The following MRTFB variants were observed in gnomAD, a reference collection of about 807,000 sequenced individuals.
MRTFB encodes myocardin related transcription factor B.
A neutral mutation model predicts 104.2 loss-of-function variants in MRTFB; 29 were observed. The ratio of observed to expected loss-of-function variants is 0.28; its 90% CI spans 0.21 to 0.38. MRTFB has a LOEUF of 0.38. MRTFB is among the 10% of genes least tolerant of loss of function. The pLI, the probability that MRTFB is intolerant of heterozygous loss-of-function variation, is 1.00. For missense variants in MRTFB, 1,270 were observed against 1,341.6 expected (o/e 0.95, Z 0.83); for synonymous variants, 535 against 519.5 (o/e 1.03, Z -0.41).
chr16:14,126,022 TAA>T (rs2037092160), intron 2 of MRTFB, among the ~76,000 whole-genome samples: 1 of 152,194 alleles, frequency 6.6e-6, no homozygotes. Flanking sequence ...AAGGAAAAGC[TAA>T]AGAGATAATG....
chr16:14,019,281 C>G, the MRTFB span: 1 of 152,186 alleles, frequency 6.6e-6, no homozygotes. Context: ...TAATTCAGAG[C>G]ATATTCAGCC....
chr16:14,153,356 T>C (rs1277009880), intron 3 of MRTFB: 1 of 152,248 alleles, frequency 6.6e-6, no homozygotes, highest in Non-Finnish European at 1.5e-5. Flanking sequence ...TTTTTATCTC[T>C]GTATATTTGT....
At chr16:14,005,283 G>T in the MRTFB span, among the ~76,000 whole-genome samples, 1 of 152,328 alleles carries the variant, frequency 6.6e-6, no homozygotes, top group South Asian at 2.1e-4. Flanking sequence ...TAGTAAGGAA[G>T]GGAGGAAGGA....
chr16:14,002,413 G>A, the MRTFB span, among the ~76,000 whole-genome samples: 1 of 151,792 alleles, frequency 6.6e-6, no homozygotes, highest in African/African-American at 2.4e-5. Flanking sequence ...GTTAGCAAGT[G>A]TCCGGGAGGT....
chr16:14,125,238 G>A (rs1360367115), intron 2 of MRTFB, among the ~76,000 whole-genome samples: 1 of 152,224 alleles, frequency 6.6e-6, no homozygotes, highest in Non-Finnish European at 1.5e-5. Flanking sequence ...TGGGCTGGCT[G>A]CAACTGCCTC....
intron 3 of MRTFB, among the ~76,000 whole-genome samples, chr16:14,187,530 G>A (rs774930139): frequency 3.3e-5 from 5 of 152,204 alleles, no homozygotes; most frequent in Admixed American, 1.3e-4. Context: ...TGGTTGTAAT[G>A]CGCATTGCAT....
At chr16:14,134,336 AG>A (rs1297029456) in intron 2 of MRTFB, among the ~76,000 whole-genome samples, 87 of 152,382 alleles carry the variant, frequency 5.7e-4, no homozygotes, top group Admixed American at 5.7e-3. Flanking sequence ...AACTCTACTT[AG>A]AAGTTATTTA....
At chr16:14,055,621 C>T in the MRTFB span, among the ~76,000 whole-genome samples, 1 of 152,122 alleles carries the variant, frequency 6.6e-6, no homozygotes, top group Non-Finnish European at 1.5e-5. Context: ...GATGTTTTCT[C>T]ATGATTAGAC....
rs998053190 is a variant in MRTFB at position 14,204,139 on chromosome 16, A to T, written c.155-6104A>T. ...GCTACCATGCCAGCTAATTTTTTTT[A>T]TTTTTTATTTTTCTTTGGTAGAGAC... On this transcript the variant is annotated intron_variant, in intron 3 of 16. Transcript: ENST00000571589. 6.6e-5 allele frequency among the ~76,000 whole-genome samples: 10 copies of T among 151,352 alleles called. 1 individual carries two copies. In the South Asian group the frequency reaches 2.1e-3, roughly 32 times the overall value.
chr16:14,055,016 A>T, the MRTFB span, among the ~76,000 whole-genome samples: 2 of 152,208 alleles, frequency 1.3e-5, no homozygotes, highest in African/African-American at 2.4e-5. Flanking sequence ...TCCTAATATT[A>T]GCATGTTTTA....
the MRTFB span, among the ~76,000 whole-genome samples, chr16:14,054,302 T>C: frequency 1.3e-5 from 2 of 152,246 alleles, no homozygotes; most frequent in Non-Finnish European, 2.9e-5. Context: ...CTGCAACCTC[T>C]GCCTCCTGGG....
intron 2 of MRTFB, among the ~76,000 whole-genome samples, chr16:14,092,371 C>A (rs113688995): frequency 6.6e-6 from 1 of 152,112 alleles, no homozygotes; most frequent in South Asian, 2.1e-4. Context: ...TTGATTGGAT[C>A]TCAGGTAAGG....
intron 3 of MRTFB, among the ~76,000 whole-genome samples, chr16:14,194,706 T>C (rs537386139): frequency 1.5e-4 from 22 of 151,302 alleles, no homozygotes; most frequent in South Asian, 1.3e-3. Flanking sequence ...GCTTTTCTTT[T>C]TTTTTTTTTT....
At chr16:14,232,992 T>A (rs2042333104) in intron 8 of MRTFB, among the ~76,000 whole-genome samples, 1 of 152,236 alleles carries the variant, frequency 6.6e-6, no homozygotes, top group Admixed American at 6.5e-5. Context: ...TGTAAGTAAG[T>A]CCAAGTAGTA....
At chr16:14,086,026 CAT>C (rs1457573213) in intron 2 of MRTFB, among the ~76,000 whole-genome samples, 2 of 152,020 alleles carry the variant, frequency 1.3e-5, no homozygotes, top group Non-Finnish European at 2.9e-5. Context: ...GAAAGTTTTT[CAT>C]AGTTATGTTA....
chr16:14,100,069 T>C (rs1157627749), intron 2 of MRTFB, among the ~76,000 whole-genome samples: 1 of 152,264 alleles, frequency 6.6e-6, no homozygotes, highest in Non-Finnish European at 1.5e-5. Flanking sequence ...TCTTCCTTTC[T>C]AATCTGAGTG....
intron 2 of MRTFB, among the ~76,000 whole-genome samples, chr16:14,081,121 T>G (rs1485809643): frequency 6.6e-6 from 1 of 152,184 alleles, no homozygotes; most frequent in Non-Finnish European, 1.5e-5. Context: ...CTCCCAATGG[T>G]GTTCAAGGGT....
intron 2 of MRTFB, among the ~76,000 whole-genome samples, chr16:14,086,436 T>C (rs2034707227): frequency 6.6e-6 from 1 of 152,212 alleles, no homozygotes; most frequent in South Asian, 2.1e-4. Flanking sequence ...TAGCAATTTT[T>C]ATTTGCACTT....
the MRTFB span, among the ~76,000 whole-genome samples, chr16:14,061,491 C>T: frequency 6.7e-6 from 1 of 150,132 alleles, no homozygotes; most frequent in Non-Finnish European, 1.5e-5. Context: ...ACTTAAGAAG[C>T]TTGTTCAAGG....
Sources: gnomAD v4.1 joint callset for allele counts (sites outside exome capture counted in the v4.1 genomes callset) on GRCh38, gnomAD v4.1.1 for gene constraint, MANE v1.5 for transcripts, NCBI Gene and HGNC (gene_info 2026-07-23, HGNC 2026-07-21) for gene names.